Variants in TNS3 observed in about 807,000 individuals in gnomAD.
The protein encoded by TNS3 is tensin 3.
Under a neutral mutation model 140.9 loss-of-function variants are expected in TNS3, and 45 were observed. The ratio of observed to expected loss-of-function variants is 0.32; its 90% CI spans 0.25 to 0.41. The LOEUF is 0.41. TNS3 is among the 10% of genes least tolerant of loss of function. The probability of loss-of-function intolerance (pLI) is 1.00; values close to 1 mark genes in which losing one functional copy is unlikely to be tolerated. For synonymous variants in TNS3, 815 were observed against 788.4 expected, an observed-to-expected ratio of 1.03 and a Z score of -0.56; for missense variants, 1,716 against 1,906.7, an observed-to-expected ratio of 0.90 and a Z score of 1.86.
rs1792254350 is a variant in TNS3, at chr7:47,389,001, AGG to A, written c.1024+7797_1024+7798del. On this transcript the variant is annotated intron_variant, in intron 16 of 30. Transcript: ENST00000311160. ...AAGCAGCAGAGGAAGAAGAAGAAGA[AGG>A]AAGAAGAAGAAGAAGAAGAAGAAGA... Among the ~76,000 whole-genome samples the A allele has an allele frequency of 3.1e-5, 2 of 65,218 alleles. 1 individual carries two copies. The highest frequency in any genetic ancestry group is 7.5e-5 in the Non-Finnish European group (2 of 26,792). The allele number at this position is 65,218 out of a possible 152,430, so 42.8% of individuals were successfully genotyped here.
rs73328523 is a variant in TNS3, at chr7:47,456,031, C to T, written c.-75-13976G>A. Among the ~76,000 whole-genome samples, 486 of 152,288 alleles carry T rather than the reference C, an allele frequency of 3.2e-3. 8 individuals are homozygous for T. Among genetic ancestry groups the T allele is most frequent in the African/African-American group, 0.011 (460 of 41,564 alleles). On this transcript the variant is annotated intron_variant, in intron 4 of 30. Coordinates refer to ENST00000311160, the MANE Select transcript of TNS3 (RefSeq NM_022748.12). ...CAAATGCCAGATGATGAATCCATGACGATGAAAGGTGTCAGAAGTTTCTGC... is the reference window on the plus strand; with the variant it reads ...CAAATGCCAGATGATGAATCCATGATGATGAAAGGTGTCAGAAGTTTCTGC...
chr7:47,380,530 G>T (rs1478274983), intron 16 of TNS3, among the ~76,000 whole-genome samples: 11 of 152,206 alleles, frequency 7.2e-5, no homozygotes, highest in Admixed American at 7.2e-4. Flanking sequence ...TCCTGGACAA[G>T]TCCTGAGCGA....
chr7:47,414,266 G>A (rs1288642877), intron 11 of TNS3, among the ~76,000 whole-genome samples: 3 of 152,166 alleles, frequency 2.0e-5, no homozygotes, highest in African/African-American at 7.2e-5. Context: ...AAACCAACTA[G>A]CAGCTTGGCA....
chr7:47,554,695 G>A (rs1000603118), intron 1 of TNS3, among the ~76,000 whole-genome samples: 6 of 152,190 alleles, frequency 3.9e-5, no homozygotes, highest in Non-Finnish European at 7.3e-5. Context: ...TTTAATGGAT[G>A]AGAAGTTGCT....
intron 3 of TNS3, among the ~76,000 whole-genome samples, chr7:47,486,292 CTG>C (rs1797612982): frequency 6.6e-6 from 1 of 151,646 alleles, no homozygotes; most frequent in African/African-American, 2.4e-5. Flanking sequence ...ATGTGTGAAA[CTG>C]AGTTTTGTAA....
intron 1 of TNS3, among the ~76,000 whole-genome samples, chr7:47,574,491 C>T (rs2347992): frequency 0.98 from 149,372 of 152,054 alleles, 73,428 homozygotes; most frequent in East Asian, 1. Flanking sequence ...AAAGCTTGTG[C>T]TCACCAAAAA....
chr7:47,496,858 G>A (rs181246324), intron 3 of TNS3, among the ~76,000 whole-genome samples: 2 of 152,330 alleles, frequency 1.3e-5, no homozygotes, highest in East Asian at 1.9e-4. Flanking sequence ...TCTGTGGGGT[G>A]AGCCAAGGCA....
chr7:47,366,810 T>C (rs1019431960), intron 17 of TNS3, among the ~76,000 whole-genome samples: 5 of 151,702 alleles, frequency 3.3e-5, no homozygotes, highest in African/African-American at 4.8e-5. Context: ...GCAGCCGGGG[T>C]GCTTAGGACG....
intron 3 of TNS3, among the ~76,000 whole-genome samples, chr7:47,489,636 T>C (rs1247975323): frequency 1.3e-5 from 2 of 152,240 alleles, no homozygotes; most frequent in African/African-American, 4.8e-5. Flanking sequence ...ATATAATAGA[T>C]TTAAAGCAAA....
rs1793527935 is a variant in TNS3 at position 47,407,752 on chromosome 7, AG to A, written c.723+3974del. Among the ~76,000 whole-genome samples the A allele has an allele frequency of 6.6e-6, 1 of 152,178 alleles. No homozygotes were observed. Among genetic ancestry groups the A allele is most frequent in the Non-Finnish European group, 1.5e-5 (1 of 68,012 alleles). ...ACTGGTGTCCTTGTAAGAAGAGATG[AG>A]GACATAGACACACAGAGGGAAGCCC... On this transcript the variant is annotated intron_variant, in intron 13 of 30. Transcript: ENST00000311160. The surrounding 1 kb of genome is among the most constrained non-coding windows in gnomAD (Gnocchi z 4.1).
rs150168035 is a variant in TNS3, at chr7:47,301,526, C to T, written c.3544+660G>A. Among the ~76,000 whole-genome samples, 66 of 152,080 alleles carry T rather than the reference C, an allele frequency of 4.3e-4. No homozygotes were observed. In the East Asian group the frequency reaches 0.011, roughly 25 times the overall value. On this transcript the variant is annotated intron_variant, in intron 23 of 30. Coordinates refer to ENST00000311160, the MANE Select transcript of TNS3 (RefSeq NM_022748.12). Reference sequence around the variant, plus strand: ...AAGCAGGGCTGCCCAGAAGAGCTTGCTAGCCTTCCTCTCCCACATCTCTTC... The same window carrying T: ...AAGCAGGGCTGCCCAGAAGAGCTTGTTAGCCTTCCTCTCCCACATCTCTTC...
intron 4 of TNS3, among the ~76,000 whole-genome samples, chr7:47,471,274 C>G (rs913089512): frequency 6.6e-6 from 1 of 152,208 alleles, no homozygotes; most frequent in African/African-American, 2.4e-5. Context: ...ATGATGGCCT[C>G]ACTAGGCAAT....
At chr7:47,393,289 A>G (rs1321727384) in intron 16 of TNS3, among the ~76,000 whole-genome samples, 3 of 152,230 alleles carry the variant, frequency 2.0e-5, no homozygotes, top group Admixed American at 6.5e-5. Context: ...AAAAGAAAGA[A>G]AGAAAAGCAT....
chr7:47,512,610 G>A (rs586005), intron 2 of TNS3, among the ~76,000 whole-genome samples: 54,643 of 152,018 alleles, frequency 0.36, 10,987 homozygotes, highest in Non-Finnish European at 0.46. Flanking sequence ...CTTTGTGACC[G>A]ACAGACATGC....
chr7:47,372,332 T>C lies in TNS3; in HGVS notation c.1025-2711A>G, dbSNP rs1791121870. Among the ~76,000 whole-genome samples, 3 of 152,090 alleles carry C rather than the reference T, an allele frequency of 2.0e-5. No individual in the cohort carries two copies. In the South Asian group the frequency reaches 6.2e-4, roughly 32 times the overall value. On this transcript the variant is annotated intron_variant, in intron 16 of 30. Coordinates refer to ENST00000311160, the MANE Select transcript of TNS3 (RefSeq NM_022748.12). The stretch of plus-strand genomic sequence containing the variant: ...GACTTCCCACACTCTTCTCCCTAAA[T>C]CTGAGTTAAAATAAATTGGCACAAT...
chr7:47,334,211 G>A (rs894396160), intron 20 of TNS3, among the ~76,000 whole-genome samples: 1 of 152,144 alleles, frequency 6.6e-6, no homozygotes, highest in Non-Finnish European at 1.5e-5. Flanking sequence ...AATCCTCCCA[G>A]CCCTTCACAA....
At chr7:47,535,034 G>A (rs1799551755) in intron 1 of TNS3, among the ~76,000 whole-genome samples, 1 of 152,190 alleles carries the variant, frequency 6.6e-6, no homozygotes. Context: ...CAGCTGGTAC[G>A]TACTTTTCAC....
At chr7:47,394,182 T>C (rs555346072) in intron 16 of TNS3, among the ~76,000 whole-genome samples, 2 of 152,388 alleles carry the variant, frequency 1.3e-5, no homozygotes, top group African/African-American at 2.4e-5. Flanking sequence ...GCATTGAGTA[T>C]CTGCTATGGA....
intron 1 of TNS3, among the ~76,000 whole-genome samples, chr7:47,535,829 C>T (rs1799579410): frequency 6.6e-6 from 1 of 152,218 alleles, no homozygotes; most frequent in South Asian, 2.1e-4. Context: ...GGCTAAAGGT[C>T]GCCCTGGCAA....
Sources: allele counts gnomAD v4.1 joint callset (sites outside exome capture counted in the v4.1 genomes callset), GRCh38; gene constraint gnomAD v4.1.1; non-coding constraint Gnocchi (gnomAD v3.1); transcripts MANE v1.5; gene names NCBI Gene and HGNC (gene_info 2026-07-23, HGNC 2026-07-21).